The following HADHA variants were observed in gnomAD, a reference collection of about 807,000 sequenced individuals.
HADHA encodes the protein hydroxyacyl-CoA dehydrogenase trifunctional multienzyme complex subunit alpha, also known as trifunctional enzyme subunit alpha, mitochondrial.
Under a neutral mutation model 91.3 loss-of-function variants are expected in HADHA, and 59 were observed. The ratio of observed to expected loss-of-function variants is 0.65; its 90% CI spans 0.52 to 0.80. HADHA has a LOEUF of 0.80. Among genes scored for constraint, HADHA ranks in the 30% least tolerant of loss-of-function variants. HADHA has a pLI of 0.00. For missense variants in HADHA, 800 were observed against 927.6 expected, an observed-to-expected ratio of 0.86 and a Z score of 1.79; for synonymous variants, 320 against 338.9, an observed-to-expected ratio of 0.94 and a Z score of 0.61.
In HADHA at chr2:26,244,581, C is replaced by G. The variant is rs150565988; in HGVS notation, c.16G>C (p.Ala6Pro). 448 of 1,585,192 alleles carry G rather than the reference C, an allele frequency of 2.8e-4. No homozygotes were observed. Among genetic ancestry groups the G allele is most frequent in the Non-Finnish European group, 3.6e-4 (418 of 1,165,360 alleles). Residue 6 changes from alanine to proline, a missense_variant, in exon 1 of 20, where the codon GCG becomes CCG. By Grantham distance (27) the Ala-to-Pro change is conservative (BLOSUM62 -1). Transcript: ENST00000380649. MVACR[A>P]IGILSRFSAF... ...GAAAAGCGGCTGAGGATGCCAATCG[C>G]CCGGCAGGCCACCATCTTGAGCTGA...
At chr2:26,218,309 A>AAG (rs1553314290) in intron 7 of HADHA, among the ~76,000 whole-genome samples, 16 of 151,662 alleles carry the variant, frequency 1.1e-4, no homozygotes, top group Non-Finnish European at 1.8e-4. Context: ...CAAAAAAAAA[A>AAG]AGAGAGAGAA....
In HADHA at chr2:26,212,633, A is replaced by C. The variant is rs2147768563; in HGVS notation, c.919-7T>G. 1.2e-5 allele frequency: 19 copies of C among 1,585,430 alleles called. No individual in the cohort carries two copies. The highest frequency in any genetic ancestry group is 1.5e-5 in the Non-Finnish European group (17 of 1,153,738). On this transcript the variant is annotated splice_region_variant and splice_polypyrimidine_tract_variant and intron_variant, in intron 9 of 19. Transcript: ENST00000380649. ...CAATTCCAGTCTTTACCACCTAAAA[A>C]ACATATAAAGCACTTGCTCAGCGTT...
Position 26,197,738 on chromosome 2 carries a change from C to T in HADHA, c.1432G>A (p.Ala478Thr). ...DHCIFASNTS[A>T]LPISEIAAVS... is the part of the protein sequence containing the mutation. ...GCAGCGATTTCACTGATTGGGAGAG[C>T]AGATGTGTTACTGGCAAAGATACAG... is the stretch of plus-strand genomic sequence containing the variant. Residue 478 changes from alanine to threonine, a missense_variant, in exon 14 of 20, where the codon GCT becomes ACT. Ala to Thr is a moderately conservative substitution (Grantham distance 58). Transcript: ENST00000380649. 1 of 1,561,890 alleles carries T rather than the reference C, an allele frequency of 6.4e-7. No homozygotes were observed. The highest frequency in any genetic ancestry group is 8.8e-7 in the Non-Finnish European group (1 of 1,132,170).
chr2:26,239,712 A>C (rs1030260615), intron 1 of HADHA, among the ~76,000 whole-genome samples: 6 of 151,948 alleles, frequency 3.9e-5, no homozygotes, highest in African/African-American at 1.5e-4. Context: ...TTGGAAAGGC[A>C]AGGTGACACA....
chr2:26,226,862 A>G (rs893711758), intron 7 of HADHA, among the ~76,000 whole-genome samples: 1 of 152,234 alleles, frequency 6.6e-6, no homozygotes. Flanking sequence ...TTTCTAGAAG[A>G]AAGTATACAG....
chr2:26,203,987 C>T (rs1669915139), intron 12 of HADHA, 75 bp downstream of exon 12: 3 of 1,451,240 alleles, frequency 2.1e-6, no homozygotes, highest in East Asian at 2.3e-5. Flanking sequence ...AAAAACCCAC[C>T]AAGCCACCAC....
intron 7 of HADHA, among the ~76,000 whole-genome samples, chr2:26,215,499 GA>G (rs1169271070): frequency 6.6e-6 from 1 of 152,060 alleles, no homozygotes; most frequent in East Asian, 1.9e-4. Context: ...AAACTGGAAA[GA>G]AAAAAGAAGA....
At position 26,214,468 on chromosome 2, in the gene HADHA, T is replaced by C; in HGVS notation, c.893A>G (p.Tyr298Cys). 1.3e-6 allele frequency: 2 copies of C among 1,568,140 alleles called. No homozygotes were observed. The highest frequency in any genetic ancestry group is 1.8e-6 in the Non-Finnish European group (2 of 1,139,804). ...EKVRKQTKGL[Y>C]PAPLKIIDVV... is the part of the protein sequence containing the mutation. ...ATCAATTATTTTCAGAGGTGCAGGA[T>C]AAAGGCCTTTAGTCTGCTTTCGCAC... is the stretch of plus-strand genomic sequence containing the variant. Residue 298 changes from tyrosine to cysteine, a missense_variant, in exon 9 of 20, where the codon TAT becomes TGT. Transcript: ENST00000380649. This position sits in a 1 kb window ranked among gnomAD's most constrained non-coding sequence, Gnocchi z 4.1.
In HADHA at chr2:26,225,952, A is replaced by G. The variant is rs367797819; in HGVS notation, c.676+4240T>C. On this transcript the variant is annotated intron_variant, in intron 7 of 19. Coordinates refer to ENST00000380649, the MANE Select transcript of HADHA (RefSeq NM_000182.5). The stretch of plus-strand genomic sequence containing the variant: ...ATTATCTATGTAGAAAATCCTCAGG[A>G]ATCTATTAATAAAAAAGGCTACTAG... 1.8e-4 allele frequency among the ~76,000 whole-genome samples: 28 copies of G among 152,276 alleles called. No individual in the cohort carries two copies. The East Asian group carries it at 4.0e-3, about 22-fold the overall frequency.
Position 26,234,276 on chromosome 2 carries a change from T to C in HADHA, c.394A>G (p.Lys132Glu). The C allele has an allele frequency of 6.2e-7, 1 of 1,613,724 alleles. No homozygotes were observed. Among genetic ancestry groups the C allele is most frequent in the South Asian group, 1.1e-5 (1 of 91,080 alleles). The part of the protein sequence containing the change: ...EAQRIVEKLE[K>E]STKPIVAAIN... Reference sequence around the variant, plus strand: ...GCAGCCACAATAGGCTTTGTGGACTTTTCAAGTTTCTCAACTATTCTCTGT... The same window carrying C: ...GCAGCCACAATAGGCTTTGTGGACTCTTCAAGTTTCTCAACTATTCTCTGT... The change falls in exon 5 of 20, where the codon AAG (lysine) becomes GAG (glutamate). Residue 132 changes from lysine (K) to glutamate (E), a missense_variant. Lys to Glu is a moderately conservative substitution (Grantham distance 56). Coordinates refer to ENST00000380649, the MANE Select transcript of HADHA (RefSeq NM_000182.5).
chr2:26,220,152 A>G (rs1166124659), intron 7 of HADHA, among the ~76,000 whole-genome samples: 1 of 152,212 alleles, frequency 6.6e-6, no homozygotes, highest in Non-Finnish European at 1.5e-5. Context: ...GTGGTCCAGC[A>G]GTCAGAGTAG....
intron 7 of HADHA, among the ~76,000 whole-genome samples, chr2:26,218,306 A>AG (rs1015093772): frequency 2.0e-5 from 3 of 151,786 alleles, no homozygotes; most frequent in Admixed American, 6.6e-5. Flanking sequence ...TCTCAAAAAA[A>AG]AAAAGAGAGA....
intron 11 of HADHA, among the ~76,000 whole-genome samples, chr2:26,205,744 C>T (rs1423990126): frequency 2.6e-5 from 4 of 152,016 alleles, no homozygotes; most frequent in African/African-American, 9.7e-5. Context: ...GCGGAGGTTG[C>T]AGTGAGCTGA....
intron 1 of HADHA, 72 bp downstream of exon 1, chr2:26,244,458 C>G (rs991464010): frequency 1.1e-5 from 16 of 1,461,690 alleles, no homozygotes; most frequent in African/African-American, 1.4e-5. Context: ...AAGGGAGACG[C>G]GGCTCCGGGG....
chr2:26,191,130 A>G lies in HADHA; in HGVS notation c.*120T>C, dbSNP rs1662108061. 2.0e-6 allele frequency: 2 copies of G among 1,005,738 alleles called. No individual in the cohort carries two copies. The highest frequency in any genetic ancestry group is 1.3e-5 in the South Asian group (1 of 74,240). 62.3% of individuals were successfully genotyped at this position (1,005,738 alleles called of 1,614,324 possible). A position where few individuals can be genotyped will look rare whatever the true frequency, so the allele number is the denominator to read the frequency against. ...CTGAAGGCACTTTAATCAGGGAGCA[A>G]ACCCAGTGCCGGAGTTTGTCTTCTC... On this transcript the variant is annotated 3_prime_UTR_variant, in exon 20 of 20. Transcript: ENST00000380649.
chr2:26,207,551 A>C (rs1670000567), intron 11 of HADHA, among the ~76,000 whole-genome samples: 1 of 152,292 alleles, frequency 6.6e-6, no homozygotes, highest in South Asian at 2.1e-4. Flanking sequence ...GAGTTAAATT[A>C]ACACACTTCA....
rs1052782691 is a variant in HADHA, at chr2:26,214,837, A to G, written c.799+216T>C. Among the ~76,000 whole-genome samples, 4 of 152,154 alleles carry G rather than the reference A, an allele frequency of 2.6e-5. No individual in the cohort carries two copies. Among genetic ancestry groups the G allele is most frequent in the African/African-American group, 4.8e-5 (2 of 41,424 alleles). On this transcript the variant is annotated intron_variant, in intron 8 of 19. Transcript: ENST00000380649. The surrounding 1 kb of genome is among the most constrained non-coding windows in gnomAD (Gnocchi z 4.1). ...CATTTTCTAAAATGAAAAGTTTTCTATGACTCAAGGGTCATCATAAGGAAA... is the reference window on the plus strand; with the variant it reads ...CATTTTCTAAAATGAAAAGTTTTCTGTGACTCAAGGGTCATCATAAGGAAA...
At chr2:26,224,057 A>C (rs1670434293) in intron 7 of HADHA, among the ~76,000 whole-genome samples, 1 of 152,082 alleles carries the variant, frequency 6.6e-6, no homozygotes, top group Non-Finnish European at 1.5e-5. Context: ...GGAATGGGAA[A>C]TCTTAAAGAC....
intron 7 of HADHA, among the ~76,000 whole-genome samples, chr2:26,219,891 T>C (rs1670333503): frequency 1.3e-5 from 2 of 152,166 alleles, no homozygotes; most frequent in Admixed American, 1.3e-4. Context: ...GAAGTATAAC[T>C]TGAATCACCT....
Sources: gnomAD v4.1 joint callset for allele counts (sites outside exome capture counted in the v4.1 genomes callset) on GRCh38, gnomAD v4.1.1 for gene constraint, Gnocchi (gnomAD v3.1) non-coding constraint, MANE v1.5 for transcripts, NCBI Gene and HGNC (gene_info 2026-07-23, HGNC 2026-07-21) for gene names.